Variants in RPS6KB1 observed in about 807,000 individuals in gnomAD.
RPS6KB1 encodes ribosomal protein S6 kinase beta-1.
Under a neutral mutation model 70.2 loss-of-function variants are expected in RPS6KB1, and 12 were observed. That is an observed-to-expected ratio of 0.17 (90% CI 0.11 to 0.28). The LOEUF (loss-of-function observed/expected upper bound fraction) is 0.28. RPS6KB1 is among the 10% of genes least tolerant of loss of function. RPS6KB1 has a pLI of 1.00. For missense variants in RPS6KB1, 270 were observed against 646.6 expected (o/e 0.42, Z 6.32); for synonymous variants, 175 against 211.2 (o/e 0.83, Z 1.49).
chr17:59,928,020 T>C (rs2043716692), intron 5 of RPS6KB1, among the ~76,000 whole-genome samples: 1 of 151,538 alleles, frequency 6.6e-6, no homozygotes, highest in South Asian at 2.1e-4. Flanking sequence ...TAGCTGGGTA[T>C]GGTGGTGTGC....
At chr17:59,922,172 C>T (rs1434803380) in intron 4 of RPS6KB1, among the ~76,000 whole-genome samples, 1 of 151,802 alleles carries the variant, frequency 6.6e-6, no homozygotes, top group Non-Finnish European at 1.5e-5. Flanking sequence ...CCACAAGTAG[C>T]TGGGATTACA....
intron 1 of RPS6KB1, among the ~76,000 whole-genome samples, chr17:59,910,016 A>AATAT (rs555371435): frequency 1.3e-5 from 2 of 150,450 alleles, no homozygotes; most frequent in African/African-American, 4.9e-5. Flanking sequence ...CATCTCAAAA[A>AATAT]ATATATATAT....
chr17:59,928,507 G>A (rs1213169289), intron 5 of RPS6KB1, among the ~76,000 whole-genome samples: 1 of 151,438 alleles, frequency 6.6e-6, no homozygotes, highest in Non-Finnish European at 1.5e-5. Context: ...CCACCACCAC[G>A]CCCAGCTAAT....
chr17:59,906,569 C>T (rs1487840292), intron 1 of RPS6KB1, among the ~76,000 whole-genome samples: 1 of 152,104 alleles, frequency 6.6e-6, no homozygotes, highest in Non-Finnish European at 1.5e-5. Flanking sequence ...ACCATATTGG[C>T]CAGGCTGGTC....
intron 13 of RPS6KB1, among the ~76,000 whole-genome samples, chr17:59,942,105 G>T (rs1346697641): frequency 1.3e-5 from 2 of 152,032 alleles, no homozygotes; most frequent in African/African-American, 4.8e-5. Flanking sequence ...TGATCCGCCC[G>T]CCTTGGCCTC....
chr17:59,902,184 A>G (rs2041998258), intron 1 of RPS6KB1, among the ~76,000 whole-genome samples: 1 of 144,080 alleles, frequency 6.9e-6, no homozygotes, highest in African/African-American at 2.6e-5. Flanking sequence ...TGCTCACTGC[A>G]ACCTCTGCCT....
intron 7 of RPS6KB1, among the ~76,000 whole-genome samples, chr17:59,932,207 C>T (rs890907503): frequency 1.3e-4 from 19 of 150,842 alleles, no homozygotes; most frequent in African/African-American, 4.4e-4. Flanking sequence ...GAGTTCAAGA[C>T]GCCTGGCCAA....
intron 5 of RPS6KB1, among the ~76,000 whole-genome samples, chr17:59,928,008 A>G (rs1056501563): frequency 1.3e-5 from 2 of 151,520 alleles, no homozygotes; most frequent in African/African-American, 4.8e-5. Flanking sequence ...AAATAGAAAA[A>G]TTAGCTGGGT....
chr17:59,899,305 G>GT (rs2041766016), intron 1 of RPS6KB1, among the ~76,000 whole-genome samples: 1 of 152,078 alleles, frequency 6.6e-6, no homozygotes, highest in African/African-American at 2.4e-5. Context: ...CCTTCTAGAG[G>GT]TAACACTGAG....
chr17:59,912,559 G>T (rs1412331986), intron 2 of RPS6KB1, 125 bp from the exon 3 acceptor site: 1 of 872,650 alleles, frequency 1.1e-6, no homozygotes, highest in Non-Finnish European at 1.7e-6. Context: ...CAAATAATTT[G>T]GTGTCATGTA....
At chr17:59,910,391 T>G (rs566777014) in intron 1 of RPS6KB1, among the ~76,000 whole-genome samples, 171 bp from the exon 2 acceptor site, 2 of 152,234 alleles carry the variant, frequency 1.3e-5, no homozygotes, top group African/African-American at 2.4e-5. Context: ...TCCCATAGTG[T>G]TGTTTGTGTA....
At chr17:59,923,686 T>A (rs776958362) in intron 4 of RPS6KB1, among the ~76,000 whole-genome samples, 1 of 151,798 alleles carries the variant, frequency 6.6e-6, no homozygotes, top group Non-Finnish European at 1.5e-5. Flanking sequence ...ATTTTTGTAT[T>A]TTTAGTAGAG....
At chr17:59,933,251 G>A (rs1243607870) in intron 7 of RPS6KB1, among the ~76,000 whole-genome samples, 2 of 150,968 alleles carry the variant, frequency 1.3e-5, no homozygotes, top group Non-Finnish European at 2.9e-5. Context: ...AATATATCAT[G>A]GGAATCAGTG....
chr17:59,908,517 G>A (rs528839646), intron 1 of RPS6KB1, among the ~76,000 whole-genome samples: 5 of 149,906 alleles, frequency 3.3e-5, no homozygotes, highest in East Asian at 2.0e-4. Flanking sequence ...ATACATTTTC[G>A]AATAGATAAA....
chr17:59,947,436 A>C lies in RPS6KB1; in HGVS notation c.*648A>C. On this transcript the variant is annotated 3_prime_UTR_variant, in exon 15 of 15. Coordinates refer to ENST00000225577, the MANE Select transcript of RPS6KB1 (RefSeq NM_003161.4). ...TTCTGTTTCTTCTCTTGGTGAAATA[A>C]TAAAATGCAAATGAATCATTGTTAA... 7.8e-7 allele frequency: 1 copy of C among 1,289,976 alleles called. No individual in the cohort carries two copies. Among genetic ancestry groups the C allele is most frequent in the Non-Finnish European group, 9.9e-7 (1 of 1,011,278 alleles). The allele number at this position is 1,289,976 out of a possible 1,614,324, so 79.9% of individuals were successfully genotyped here.
chr17:59,950,537 CAT>C lies in RPS6KB1; in HGVS notation c.*3753_*3754del, dbSNP rs1273694572. The C allele has an allele frequency of 6.6e-6, 1 of 152,004 alleles. No individual in the cohort carries two copies. Among genetic ancestry groups the C allele is most frequent in the African/African-American group, 2.4e-5 (1 of 41,370 alleles). The allele number at this position is 152,004 out of a possible 1,614,324, so 9.4% of individuals were successfully genotyped here. On this transcript the variant is annotated 3_prime_UTR_variant, in exon 15 of 15. Coordinates refer to ENST00000225577, the MANE Select transcript of RPS6KB1 (RefSeq NM_003161.4). ...AACATGTCAGATGTGTTCAAGTTGT[CAT>C]ATAAATAAACTATGTATGTAAGGAA...
At chr17:59,894,566 G>A (rs2041400212) in intron 1 of RPS6KB1, among the ~76,000 whole-genome samples, 2 of 152,130 alleles carry the variant, frequency 1.3e-5, no homozygotes, top group South Asian at 4.1e-4. Flanking sequence ...AACACTTTAA[G>A]AAACTAAGTG....
chr17:59,927,119 G>A (rs1272573144), intron 5 of RPS6KB1, among the ~76,000 whole-genome samples: 1 of 151,980 alleles, frequency 6.6e-6, no homozygotes, highest in Non-Finnish European at 1.5e-5. Context: ...TTTCACACTG[G>A]TCGCACAGGC....
intron 11 of RPS6KB1, 54 bp downstream of exon 11, chr17:59,936,331 A>G (rs1353566744): frequency 1.3e-6 from 2 of 1,533,334 alleles, no homozygotes; most frequent in East Asian, 2.2e-5. Context: ...AGTTTTATGT[A>G]TTTCTGAGGG....
Sources: gnomAD v4.1 joint callset for allele counts (sites outside exome capture counted in the v4.1 genomes callset) on GRCh38, gnomAD v4.1.1 for gene constraint, MANE v1.5 for transcripts, NCBI Gene and HGNC (gene_info 2026-07-23, HGNC 2026-07-21) for gene names.